Variants in C17orf99 observed in about 807,000 individuals in gnomAD.
C17orf99 encodes protein IL-40.
C17orf99 carries 18 observed loss-of-function variants against 22.6 expected under a neutral mutation model. The observed-to-expected ratio is 0.80, with a 90% CI of 0.55 to 1.18. The LOEUF (loss-of-function observed/expected upper bound fraction) is 1.18. C17orf99 is among the 50% of genes most tolerant of loss of function. The pLI, the probability that C17orf99 is intolerant of heterozygous loss-of-function variation, is 0.00. For synonymous variants in C17orf99, 147 were observed against 136.6 expected, an observed-to-expected ratio of 1.08 and a Z score of -0.53; for missense variants, 328 against 342.7, an observed-to-expected ratio of 0.96 and a Z score of 0.34.
At chr17:78,146,288 C>T (rs2075436826), upstream of C17orf99, 1 of 879,154 alleles carries the variant, frequency 1.1e-6, no homozygotes, top group Admixed American at 2.7e-5. The surrounding 1 kb of genome is among the most constrained non-coding windows in gnomAD (Gnocchi z 5.2). Flanking sequence ...GCTGCGGCCT[C>T]CAGGTTATCT....
intron 2 of C17orf99, among the ~76,000 whole-genome samples, chr17:78,153,377 C>CG (rs1567818017): frequency 6.6e-6 from 1 of 151,830 alleles, no homozygotes; most frequent in Non-Finnish European, 1.5e-5. Context: ...CCCAGCTACT[C>CG]GGGAGGCTGA....
At chr17:78,148,570 G>C (rs2075453330) in intron 2 of C17orf99, among the ~76,000 whole-genome samples, 1 of 152,070 alleles carries the variant, frequency 6.6e-6, no homozygotes, top group Admixed American at 6.6e-5. Context: ...AAGCAAGCAG[G>C]GTAGAAGGAA....
intron 3 of C17orf99, among the ~76,000 whole-genome samples, 184 bp from the exon 4 acceptor site, chr17:78,163,911 G>C (rs1158577002): frequency 2.0e-5 from 3 of 152,272 alleles, no homozygotes; most frequent in South Asian, 4.1e-4. Context: ...AAATTGTGTG[G>C]TACACACGGC....
At chr17:78,164,773 G>A (rs1192482674) in intron 4 of C17orf99, 3 of 1,276,528 alleles carry the variant, frequency 2.4e-6, no homozygotes, top group East Asian at 5.1e-5. Context: ...GGGCAGGGCT[G>A]TGGCCAGGGC....
chr17:78,147,799 A>G (rs2075448048), intron 2 of C17orf99, among the ~76,000 whole-genome samples: 1 of 152,082 alleles, frequency 6.6e-6, no homozygotes, highest in Non-Finnish European at 1.5e-5. Flanking sequence ...AAACGGATAC[A>G]TTGTTGGTGT....
chr17:78,165,702 T>C lies in C17orf99; in HGVS notation c.641-187T>C, dbSNP rs146249102. 8,316 of 995,950 alleles carry C rather than the reference T, an allele frequency of 8.3e-3. 452 individuals are homozygous for C. In the African/African-American group the frequency reaches 0.12, roughly 15 times the overall value. The allele number at this position is 995,950 out of a possible 1,614,324, so 61.7% of individuals were successfully genotyped here. On this transcript the variant is annotated intron_variant, in intron 4 of 4. Transcript: ENST00000340363. ...CTGTAGTCCCAGCTACTCGGGAGAC[T>C]GAGGCAGGAGAATCACTTGAACCCA...
chr17:78,148,836 T>C (rs1195810675), intron 2 of C17orf99, among the ~76,000 whole-genome samples: 1 of 152,088 alleles, frequency 6.6e-6, no homozygotes, highest in Non-Finnish European at 1.5e-5. Flanking sequence ...GCAATCTGAT[T>C]TACCCTTGGC....
chr17:78,152,737 C>T (rs1284844881), intron 2 of C17orf99, among the ~76,000 whole-genome samples: 1 of 151,248 alleles, frequency 6.6e-6, no homozygotes, highest in Non-Finnish European at 1.5e-5. Context: ...CCTCCAAAAG[C>T]TCTGGGATTA....
intron 4 of C17orf99, chr17:78,165,435 C>A: frequency 1.0e-6 from 1 of 985,500 alleles, no homozygotes; most frequent in Non-Finnish European, 1.2e-6. Flanking sequence ...AAATGGGGTA[C>A]AGCCTTCATT....
intron 2 of C17orf99, among the ~76,000 whole-genome samples, chr17:78,157,658 G>A (rs2075537937): frequency 6.6e-6 from 1 of 152,030 alleles, no homozygotes; most frequent in South Asian, 2.1e-4. Context: ...TTAGCCGGGC[G>A]TGGTGGCGGG....
chr17:78,152,636 ATT>A lies in C17orf99; in HGVS notation c.70+5740_70+5741del, dbSNP rs111755912. Among the ~76,000 whole-genome samples, 435 of 142,196 alleles carry A rather than the reference ATT, an allele frequency of 3.1e-3. 3 individuals are homozygous for A. The highest frequency in any genetic ancestry group is 9.5e-3 in the African/African-American group (366 of 38,694). The allele number at this position is 142,196 out of a possible 152,430, so 93.3% of individuals were successfully genotyped here. On this transcript the variant is annotated intron_variant, in intron 2 of 4. Coordinates refer to ENST00000340363, the MANE Select transcript of C17orf99 (RefSeq NM_001163075.2). Reference sequence around the variant, plus strand: ...AGGCATGAGCCACTGCACCCAGCCAATTTTTTTTTTTTTTTTCTTAGAGACAG... The same window carrying A: ...AGGCATGAGCCACTGCACCCAGCCAATTTTTTTTTTTTTTCTTAGAGACAG...
intron 2 of C17orf99, among the ~76,000 whole-genome samples, chr17:78,152,882 G>A (rs2075496200): frequency 6.6e-6 from 1 of 151,578 alleles, no homozygotes; most frequent in Admixed American, 6.6e-5. Context: ...AGGAGTTGTA[G>A]ACCAGCCTGG....
intron 2 of C17orf99, among the ~76,000 whole-genome samples, chr17:78,148,864 T>C (rs775607508): frequency 2.6e-5 from 4 of 152,164 alleles, no homozygotes; most frequent in Non-Finnish European, 4.4e-5. Flanking sequence ...ATTTGGACAC[T>C]GTGTGGATGG....
In C17orf99 at chr17:78,146,562, A is replaced by C. The variant is rs2075438826; in HGVS notation, c.37+118A>C. On this transcript the variant is annotated intron_variant, in intron 1 of 4. Transcript: ENST00000340363. This position sits in a 1 kb window ranked among gnomAD's most constrained non-coding sequence, Gnocchi z 5.2. ...GCCTGAAGGAAGGGCACCTCTGGAA[A>C]CATGGACAGAGAGGGAAAGATCTGG... The C allele has an allele frequency of 1.1e-6, 1 of 916,402 alleles. No homozygotes were observed. The highest frequency in any genetic ancestry group is 2.6e-5 in the East Asian group (1 of 37,926). The allele number at this position is 916,402 out of a possible 1,614,324, so 56.8% of individuals were successfully genotyped here.
intron 2 of C17orf99, among the ~76,000 whole-genome samples, chr17:78,156,945 A>G (rs903766506): frequency 1.5e-5 from 2 of 137,640 alleles, no homozygotes; most frequent in African/African-American, 2.5e-5. Context: ...AATATTCTGG[A>G]AAGAAACAGC....
At chr17:78,164,729 C>A (rs2075605271) in intron 4 of C17orf99, 3 of 1,328,496 alleles carry the variant, frequency 2.3e-6, no homozygotes, top group Non-Finnish European at 2.9e-6. Context: ...TCCAACCGGG[C>A]CCTGGCTGCA....
chr17:78,149,787 G>A (rs1170897067), intron 2 of C17orf99, among the ~76,000 whole-genome samples: 1 of 151,398 alleles, frequency 6.6e-6, no homozygotes, highest in Non-Finnish European at 1.5e-5. Flanking sequence ...TCGGCTCACT[G>A]CAACCTCCAC....
chr17:78,161,268 G>A lies in C17orf99; in HGVS notation c.370+14G>A. On this transcript the variant is annotated intron_variant, in intron 3 of 4. Transcript: ENST00000340363. The stretch of plus-strand genomic sequence containing the variant: ...AGCTGTGGTCCAGTGAGTGCGGTGG[G>A]GGGCACAGGGCTGAGGAGGCAGGTG... 1.3e-6 allele frequency: 2 copies of A among 1,548,970 alleles called. No homozygotes were observed. Among genetic ancestry groups the A allele is most frequent in the Non-Finnish European group, 1.7e-6 (2 of 1,144,830 alleles).
chr17:78,164,816 G>A (rs949426161), intron 4 of C17orf99: 99 of 1,227,158 alleles, frequency 8.1e-5, no homozygotes, highest in East Asian at 4.5e-4. Context: ...CGCATGACTC[G>A]AAGGTGTTTA....
Sources: allele counts gnomAD v4.1 joint callset (sites outside exome capture counted in the v4.1 genomes callset), GRCh38; gene constraint gnomAD v4.1.1; non-coding constraint Gnocchi (gnomAD v3.1); transcripts MANE v1.5; gene names NCBI Gene and HGNC (gene_info 2026-07-23, HGNC 2026-07-21).